Variants in MAGI3 observed in about 807,000 individuals in gnomAD.
The protein encoded by MAGI3 is membrane associated guanylate kinase, WW and PDZ domain containing 3.
Under a neutral mutation model 121.8 loss-of-function variants are expected in MAGI3, and 43 were observed. That is an observed-to-expected ratio of 0.35 (90% CI 0.28 to 0.46). MAGI3 has a LOEUF of 0.46. MAGI3 is among the 20% of genes least tolerant of loss of function. The probability of loss-of-function intolerance (pLI) is 1.00; values close to 1 mark genes in which losing one functional copy is unlikely to be tolerated. For synonymous variants in MAGI3, 553 were observed against 639.3 expected (o/e 0.86, Z 2.04); for missense variants, 1,547 against 1,797.3 (o/e 0.86, Z 2.52).
intron 1 of MAGI3, among the ~76,000 whole-genome samples, chr1:113,412,830 C>A (rs1288435865): frequency 1.3e-5 from 2 of 152,124 alleles, no homozygotes; most frequent in Non-Finnish European, 2.9e-5. Flanking sequence ...TGTAGGTTGC[C>A]TGTTCACTCT....
intron 7 of MAGI3, among the ~76,000 whole-genome samples, chr1:113,617,052 C>T (rs1027327203): frequency 6.6e-6 from 1 of 151,930 alleles, no homozygotes; most frequent in African/African-American, 2.4e-5. Flanking sequence ...ACCACACCCA[C>T]CTAATTTTGT....
chr1:113,596,129 CAT>C lies in MAGI3; in HGVS notation c.1018+1571_1018+1572del, dbSNP rs375477491. ...AAAAAAAAAAGACAAAGTTGGAAGA[CAT>C]AGGGTACCAGATCTGAAGACTTATT... On this transcript the variant is annotated intron_variant, in intron 6 of 20. Coordinates refer to ENST00000307546, the MANE Select transcript of MAGI3 (RefSeq NM_001142782.2). Among the ~76,000 whole-genome samples, 17 of 151,444 alleles carry C rather than the reference CAT, an allele frequency of 1.1e-4. No individual in the cohort carries two copies. In the South Asian group the frequency reaches 3.6e-3, roughly 32 times the overall value.
intron 1 of MAGI3, among the ~76,000 whole-genome samples, chr1:113,419,134 A>G (rs189793648): frequency 2.7e-3 from 405 of 152,208 alleles, no homozygotes; most frequent in Admixed American, 8.0e-3. Context: ...GTAAATATAG[A>G]GTTTAGGGGG....
chr1:113,458,910 T>A (rs936215367), intron 1 of MAGI3, among the ~76,000 whole-genome samples: 1 of 152,194 alleles, frequency 6.6e-6, no homozygotes, highest in Non-Finnish European at 1.5e-5. Flanking sequence ...AACAACCTTA[T>A]TAGAAACTTT....
At chr1:113,640,893 TTAAA>T (rs1652415486) in intron 9 of MAGI3, among the ~76,000 whole-genome samples, 5 of 142,082 alleles carry the variant, frequency 3.5e-5, no homozygotes, top group Non-Finnish European at 7.5e-5. Flanking sequence ...AAAGTAAAAT[TTAAA>T]TATATATATA....
Position 113,683,344 on chromosome 1 carries a change from G to A in MAGI3, c.3776G>A (p.Ser1259Asn), listed in dbSNP as rs1648335447. 1 of 1,613,976 alleles carries A rather than the reference G, an allele frequency of 6.2e-7. No individual in the cohort carries two copies. The highest frequency in any genetic ancestry group is 8.5e-7 in the Non-Finnish European group (1 of 1,179,886). The change falls in exon 21 of 21, where the codon AGC becomes AAC. Residue 1259 changes from serine to asparagine, a missense_variant. By Grantham distance (46) the Ser-to-Asn change is conservative. Coordinates refer to ENST00000307546, the MANE Select transcript of MAGI3 (RefSeq NM_001142782.2). Reference sequence around the variant, plus strand: ...CCCAGAGATCAATCCCTCAGCCCCAGCAAAGGGGAAAATAAAAGTTGTCAG... The same window carrying A: ...CCCAGAGATCAATCCCTCAGCCCCAACAAAGGGGAAAATAAAAGTTGTCAG... ...RRPRDQSLSP[S>N]KGENKSCQVS...
At chr1:113,624,085 G>A (rs1651063841) in intron 9 of MAGI3, among the ~76,000 whole-genome samples, 1 of 152,084 alleles carries the variant, frequency 6.6e-6, no homozygotes, top group East Asian at 1.9e-4. Context: ...TATGTACCAT[G>A]TTTTCTTTAT....
At chr1:113,665,974 T>C (rs1160401789) in intron 16 of MAGI3, among the ~76,000 whole-genome samples, 1 of 152,258 alleles carries the variant, frequency 6.6e-6, no homozygotes, top group Non-Finnish European at 1.5e-5. Context: ...AGAAGTTATA[T>C]TTACACTATA....
chr1:113,551,924 A>G lies in MAGI3; in HGVS notation c.433+2293A>G, dbSNP rs571261623. ...TTCTGTCTCTACTATGAGTAATATTAAAATTACTTAGTCATCTCTTCTTTT... is the reference window on the plus strand; with the variant it reads ...TTCTGTCTCTACTATGAGTAATATTGAAATTACTTAGTCATCTCTTCTTTT... On this transcript the variant is annotated intron_variant, in intron 2 of 20. Coordinates refer to ENST00000307546, the MANE Select transcript of MAGI3 (RefSeq NM_001142782.2). 2.0e-5 allele frequency among the ~76,000 whole-genome samples: 3 copies of G among 152,068 alleles called. No homozygotes were observed. In the South Asian group the frequency reaches 6.2e-4, roughly 31 times the overall value.
rs541788883 is a variant in MAGI3 at position 113,416,088 on chromosome 1, A to G, written c.316+24739A>G. The stretch of plus-strand genomic sequence containing the variant: ...AATTATGTAATTAATGACACATATT[A>G]ATTATGTAATTAATGACACATATTA... On this transcript the variant is annotated intron_variant, in intron 1 of 20. Transcript: ENST00000307546. Among the ~76,000 whole-genome samples, 478 of 135,330 alleles carry G rather than the reference A, an allele frequency of 3.5e-3. 1 individual carries two copies. The highest frequency in any genetic ancestry group is 0.014 in the African/African-American group (448 of 32,636). 88.8% of individuals were successfully genotyped at this position (135,330 alleles called of 152,430 possible).
chr1:113,417,227 A>G (rs1230043275), intron 1 of MAGI3, among the ~76,000 whole-genome samples: 1 of 152,120 alleles, frequency 6.6e-6, no homozygotes, highest in Non-Finnish European at 1.5e-5. Flanking sequence ...ACAGATTTCA[A>G]AAATCCCCCA....
intron 9 of MAGI3, among the ~76,000 whole-genome samples, chr1:113,640,419 A>G (rs1054109324): frequency 1.3e-5 from 2 of 152,184 alleles, no homozygotes; most frequent in Admixed American, 1.3e-4. Context: ...TACTATAAAG[A>G]CACATGCACA....
At chr1:113,589,938 AGT>A in intron 4 of MAGI3, among the ~76,000 whole-genome samples, 1 of 152,244 alleles carries the variant, frequency 6.6e-6, no homozygotes, top group African/African-American at 2.4e-5. Context: ...TTTAAAGGCC[AGT>A]GTTAAATGTG....
At chr1:113,626,180 G>C (rs1362999931) in intron 9 of MAGI3, among the ~76,000 whole-genome samples, 1 of 152,074 alleles carries the variant, frequency 6.6e-6, no homozygotes, top group Non-Finnish European at 1.5e-5. Flanking sequence ...AGCTAGGCTG[G>C]TCTCGAATTC....
At chr1:113,489,173 C>CT (rs1215677857) in intron 1 of MAGI3, among the ~76,000 whole-genome samples, 1 of 150,884 alleles carries the variant, frequency 6.6e-6, no homozygotes, top group Non-Finnish European at 1.5e-5. Flanking sequence ...CCTTAGGCCC[C>CT]CCCCGACCCC....
chr1:113,647,110 C>T (rs946547760), intron 12 of MAGI3, among the ~76,000 whole-genome samples: 1 of 152,120 alleles, frequency 6.6e-6, no homozygotes, highest in Admixed American at 6.5e-5. Flanking sequence ...AAAGCTTTAA[C>T]TAAGTCATCA....
rs115616102 is a variant in MAGI3, at chr1:113,517,376, G to A, written c.317-32139G>A. Among the ~76,000 whole-genome samples, 343 of 151,280 alleles carry A rather than the reference G, an allele frequency of 2.3e-3. 2 individuals are homozygous for A. Among genetic ancestry groups the A allele is most frequent in the African/African-American group, 8.0e-3 (329 of 41,290 alleles). ...TCAAAACATTGCCATATGTCTCTAG[G>A]GAGCAAAATTTCACCTAGTTGAGAA... On this transcript the variant is annotated intron_variant, in intron 1 of 20. Transcript: ENST00000307546.
chr1:113,625,108 A>G (rs538353419), intron 9 of MAGI3, among the ~76,000 whole-genome samples: 2 of 152,154 alleles, frequency 1.3e-5, no homozygotes, highest in Non-Finnish European at 1.5e-5. Flanking sequence ...TCTGTAGTAT[A>G]ATTTGAAGTC....
intron 1 of MAGI3, among the ~76,000 whole-genome samples, chr1:113,455,545 A>T (rs1654709722): frequency 6.6e-6 from 1 of 152,040 alleles, no homozygotes; most frequent in Non-Finnish European, 1.5e-5. Context: ...CACTCTGGCC[A>T]TATTGATCTT....
Sources: gnomAD v4.1 joint callset for allele counts (sites outside exome capture counted in the v4.1 genomes callset) on GRCh38, gnomAD v4.1.1 for gene constraint, MANE v1.5 for transcripts, NCBI Gene and HGNC (gene_info 2026-07-23, HGNC 2026-07-21) for gene names.